The following CACNA2D3 variants were observed in gnomAD, a reference collection of about 807,000 sequenced individuals.
CACNA2D3 encodes the protein calcium voltage-gated channel auxiliary subunit alpha2delta 3.
A neutral mutation model predicts 160.6 loss-of-function variants in CACNA2D3; 60 were observed. That is an observed-to-expected ratio of 0.37 (90% CI 0.30 to 0.46). The LOEUF is 0.46. CACNA2D3 is among the 20% of genes least tolerant of loss of function. The probability of loss-of-function intolerance (pLI) is 1.00; values close to 1 mark genes in which losing one functional copy is unlikely to be tolerated. For synonymous variants in CACNA2D3, 558 were observed against 492.9 expected, an observed-to-expected ratio of 1.13 and a Z score of -1.75; for missense variants, 1,205 against 1,365.0, an observed-to-expected ratio of 0.88 and a Z score of 1.85.
intron 11 of CACNA2D3, among the ~76,000 whole-genome samples, chr3:54,735,142 T>C (rs552047741): frequency 6.6e-6 from 1 of 152,346 alleles, no homozygotes; most frequent in South Asian, 2.1e-4. Context: ...ATTTACACAT[T>C]TCCTGGACTT....
chr3:54,177,457 C>T (rs541385336), intron 2 of CACNA2D3, among the ~76,000 whole-genome samples: 19 of 152,224 alleles, frequency 1.2e-4, no homozygotes, highest in South Asian at 6.3e-4. Context: ...CATCCAGGAG[C>T]GGTTTTATCA....
At chr3:54,888,644 C>G (rs560080850) in intron 24 of CACNA2D3, among the ~76,000 whole-genome samples, 1 of 152,256 alleles carries the variant, frequency 6.6e-6, no homozygotes, top group South Asian at 2.1e-4. Flanking sequence ...CTTATATTTT[C>G]ATGTGTTACA....
chr3:54,605,144 C>T (rs967765305), intron 9 of CACNA2D3, among the ~76,000 whole-genome samples: 2 of 152,160 alleles, frequency 1.3e-5, no homozygotes, highest in African/African-American at 4.8e-5. Context: ...TGTCTATCTT[C>T]ACCTGGTCAT....
In CACNA2D3 at chr3:54,822,817, T is replaced by TTTCTC. The variant is rs1703662319; in HGVS notation, c.1398+5948_1398+5949insTCTCT. Among the ~76,000 whole-genome samples, 14 of 122,402 alleles carry TTTCTC rather than the reference T, an allele frequency of 1.1e-4. 1 individual carries two copies. Among genetic ancestry groups the TTTCTC allele is most frequent in the African/African-American group, 5.4e-4 (14 of 26,060 alleles). 80.3% of individuals were successfully genotyped at this position (122,402 alleles called of 152,430 possible). ...TTTCTTTCTTTCTTTCTTTCTTTCT[T>TTTCTC]TCTTTCTTTCTTTCTTTTCTTTCTT... On this transcript the variant is annotated intron_variant, in intron 14 of 37. Transcript: ENST00000474759.
chr3:54,553,995 T>G (rs1253248713), intron 5 of CACNA2D3, among the ~76,000 whole-genome samples: 2 of 152,192 alleles, frequency 1.3e-5, no homozygotes, highest in Non-Finnish European at 2.9e-5. Context: ...GCTAAAATCC[T>G]TGCCACGACC....
intron 3 of CACNA2D3, among the ~76,000 whole-genome samples, chr3:54,321,151 C>T (rs1300413229): frequency 6.6e-6 from 1 of 152,042 alleles, no homozygotes; most frequent in Non-Finnish European, 1.5e-5. Flanking sequence ...GAAACCCTGT[C>T]TCTACTAAAA....
At chr3:54,976,859 T>G (rs1702401764) in intron 29 of CACNA2D3, among the ~76,000 whole-genome samples, 1 of 152,086 alleles carries the variant, frequency 6.6e-6, no homozygotes, top group South Asian at 2.1e-4. Context: ...AGTCTTCTGA[T>G]CTCCCTTCTA....
At chr3:54,166,208 TG>T (rs1244274029) in intron 2 of CACNA2D3, among the ~76,000 whole-genome samples, 12 of 152,324 alleles carry the variant, frequency 7.9e-5, no homozygotes, top group Admixed American at 2.6e-4. Context: ...AGGTTGGAGA[TG>T]TAACTGCTGG....
At chr3:54,982,873 G>A (rs754681149) in intron 29 of CACNA2D3, among the ~76,000 whole-genome samples, 7 of 152,198 alleles carry the variant, frequency 4.6e-5, no homozygotes, top group South Asian at 4.2e-4. Flanking sequence ...CACACTCATC[G>A]CCACTTTGGT....
chr3:54,897,001 T>C, intron 26 of CACNA2D3, 131 bp downstream of exon 26: 1 of 1,163,336 alleles, frequency 8.6e-7, no homozygotes, highest in Non-Finnish European at 1.3e-6. Context: ...GTGCTGAATA[T>C]TGGGTCAGCC....
At chr3:54,852,172 G>C (rs1289770830) in intron 17 of CACNA2D3, among the ~76,000 whole-genome samples, 1 of 152,160 alleles carries the variant, frequency 6.6e-6, no homozygotes, top group Non-Finnish European at 1.5e-5. Context: ...AGCCTCTCCA[G>C]TGTCCAGGAG....
chr3:54,318,333 C>T (rs1703914442), intron 2 of CACNA2D3, among the ~76,000 whole-genome samples: 1 of 152,086 alleles, frequency 6.6e-6, no homozygotes, highest in Non-Finnish European at 1.5e-5. Context: ...AATGGTTTTT[C>T]AGGTGAGATG....
chr3:54,709,878 G>C (rs73070486), intron 11 of CACNA2D3, among the ~76,000 whole-genome samples: 7,892 of 152,260 alleles, frequency 0.052, 256 homozygotes, highest in African/African-American at 0.059. Flanking sequence ...GTGAGCCATG[G>C]ATTGCCACTG....
intron 35 of CACNA2D3, among the ~76,000 whole-genome samples, chr3:55,051,155 G>T (rs1360149375): frequency 6.6e-6 from 1 of 152,186 alleles, no homozygotes; most frequent in Non-Finnish European, 1.5e-5. Context: ...GAGGAACTGT[G>T]TTCCTTTGGA....
chr3:54,587,294 A>G (rs534092117), intron 9 of CACNA2D3, among the ~76,000 whole-genome samples: 163 of 152,148 alleles, frequency 1.1e-3, no homozygotes, highest in African/African-American at 3.9e-3. Flanking sequence ...CGGTGGCTCA[A>G]GCATGTAATC....
In CACNA2D3 at chr3:54,717,603, T is replaced by C. The variant is rs571370629; in HGVS notation, c.1168-34996T>C. Reference sequence around the variant, plus strand: ...GTGTGCGTGTGTGTGCATACATTCGTGTGTGTGGTGTGTGTAGTGTGCATG... The same window carrying C: ...GTGTGCGTGTGTGTGCATACATTCGCGTGTGTGGTGTGTGTAGTGTGCATG... On this transcript the variant is annotated intron_variant, in intron 11 of 37. Transcript: ENST00000474759. Among the ~76,000 whole-genome samples the C allele has an allele frequency of 1.0e-4, 14 of 139,480 alleles. No individual in the cohort carries two copies. In the South Asian group the frequency reaches 3.0e-3, roughly 30 times the overall value. The allele number at this position is 139,480 out of a possible 152,430, so 91.5% of individuals were successfully genotyped here. A position where few individuals can be genotyped will look rare whatever the true frequency, so the allele number is the denominator to read the frequency against.
chr3:54,446,568 C>G (rs1700225067), intron 4 of CACNA2D3, among the ~76,000 whole-genome samples: 1 of 152,020 alleles, frequency 6.6e-6, no homozygotes, highest in African/African-American at 2.4e-5. Context: ...GGGTATTCAC[C>G]TTTTATCATT....
intron 31 of CACNA2D3, among the ~76,000 whole-genome samples, chr3:55,001,919 G>A (rs1287500765): frequency 1.3e-5 from 2 of 152,204 alleles, no homozygotes; most frequent in African/African-American, 2.4e-5. Flanking sequence ...AGCATTTTGG[G>A]AGGCTGAGGC....
chr3:54,338,612 C>G (rs529988907), intron 3 of CACNA2D3, among the ~76,000 whole-genome samples: 17 of 152,120 alleles, frequency 1.1e-4, no homozygotes, highest in African/African-American at 3.9e-4. Context: ...TGGCATTCCC[C>G]AGCATGCTGT....
Sources: allele counts gnomAD v4.1 joint callset (sites outside exome capture counted in the v4.1 genomes callset), GRCh38; gene constraint gnomAD v4.1.1; transcripts MANE v1.5; gene names NCBI Gene and HGNC (gene_info 2026-07-23, HGNC 2026-07-21).